Variants in MYO5C observed in about 807,000 individuals in gnomAD.
The protein encoded by MYO5C is myosin VC, also known as unconventional myosin-Vc.
A neutral mutation model predicts 235.7 loss-of-function variants in MYO5C; 194 were observed. That is an observed-to-expected ratio of 0.82 (90% CI 0.73 to 0.93). MYO5C has a LOEUF of 0.93. MYO5C is among the 40% of genes least tolerant of loss of function. The pLI is 0.00. For missense variants in MYO5C, 2,038 were observed against 2,127.2 expected (o/e 0.96, Z 0.82); for synonymous variants, 707 against 754.8 (o/e 0.94, Z 1.04).
intron 1 of MYO5C, 144 bp downstream of exon 1, chr15:52,295,466 C>G (rs1467902142): frequency 1.0e-6 from 1 of 959,566 alleles, no homozygotes; most frequent in Non-Finnish European, 1.4e-6. Context: ...TCCGCGGCGC[C>G]TCCGCGGCCC....
At chr15:52,224,814 A>G (rs1485242335) in intron 28 of MYO5C, 87 bp downstream of exon 28, 7 of 1,039,918 alleles carry the variant, frequency 6.7e-6, no homozygotes, top group Non-Finnish European at 1.0e-5. Context: ...TTTGTGTATC[A>G]ATCTATGTAA....
chr15:52,270,381 C>G (rs2036892615), intron 7 of MYO5C, among the ~76,000 whole-genome samples: 1 of 152,138 alleles, frequency 6.6e-6, no homozygotes, highest in African/African-American at 2.4e-5. Context: ...TGATGGCACA[C>G]AAGAATTTAA....
chr15:52,221,063 A>G (rs2035670681), intron 30 of MYO5C, 99 bp downstream of exon 30: 6 of 871,934 alleles, frequency 6.9e-6, no homozygotes, highest in Middle Eastern at 2.3e-4. Flanking sequence ...CCCCTAGAGA[A>G]CCAGAGTTTA....
intron 10 of MYO5C, among the ~76,000 whole-genome samples, chr15:52,259,405 G>A (rs2036645347): frequency 8.0e-6 from 1 of 124,264 alleles, no homozygotes; most frequent in Non-Finnish European, 1.6e-5. Context: ...GGGCAACAGA[G>A]CAAGACTCCG....
intron 32 of MYO5C, 62 bp downstream of exon 32, chr15:52,218,457 C>T: frequency 3.4e-6 from 5 of 1,489,484 alleles, no homozygotes; most frequent in Non-Finnish European, 4.6e-6. Context: ...GGTGGCATGT[C>T]CCCCCTTTCA....
Position 52,225,387 on chromosome 15 carries a change from T to C in MYO5C, c.3301+52A>G. 2.9e-6 allele frequency: 4 copies of C among 1,392,166 alleles called. No homozygotes were observed. The Admixed American group carries it at 6.7e-5, about 23-fold the overall frequency. 86.2% of individuals were successfully genotyped at this position (1,392,166 alleles called of 1,614,324 possible). ...CACGTTTCCTTAGCAGCGACACAGC[T>C]ATGATAAATTCAGTCTGCACCCATG... On this transcript the variant is annotated intron_variant, in intron 26 of 40. Transcript: ENST00000261839.
At chr15:52,259,550 T>A (rs2036649121) in intron 10 of MYO5C, among the ~76,000 whole-genome samples, 2 of 152,018 alleles carry the variant, frequency 1.3e-5, no homozygotes, top group Admixed American at 6.6e-5. Context: ...TCCACCACAA[T>A]GAAACAGGAC....
chr15:52,256,519 T>C, intron 11 of MYO5C, 120 bp downstream of exon 11: 3 of 688,566 alleles, frequency 4.4e-6, no homozygotes, highest in Non-Finnish European at 7.5e-6. Flanking sequence ...GCTCCTTGCA[T>C]AAAAATTTGC....
intron 13 of MYO5C, among the ~76,000 whole-genome samples, chr15:52,249,658 T>C (rs1306877897): frequency 2.0e-5 from 3 of 152,092 alleles, no homozygotes; most frequent in African/African-American, 7.2e-5. Flanking sequence ...AGTACCTGGA[T>C]TGTTGTACAA....
chr15:52,202,884 C>A (rs1440346620), intron 38 of MYO5C, among the ~76,000 whole-genome samples: 2 of 151,166 alleles, frequency 1.3e-5, no homozygotes, highest in Non-Finnish European at 2.9e-5. Context: ...TTTCTGGGTA[C>A]ATAGTAGGTA....
rs183196324 is a variant in MYO5C, at chr15:52,231,943, C to G, written c.3026+679G>C. ...AATTTCTGTGAGGTCCATTACTTACCTTATCTTTTGGGATAAAAGACAAAC... is the reference window on the plus strand; with the variant it reads ...AATTTCTGTGAGGTCCATTACTTACGTTATCTTTTGGGATAAAAGACAAAC... On this transcript the variant is annotated intron_variant, in intron 24 of 40. Transcript: ENST00000261839. Among the ~76,000 whole-genome samples the G allele has an allele frequency of 1.4e-4, 21 of 152,196 alleles. No homozygotes were observed. In the East Asian group the frequency reaches 3.3e-3, roughly 24 times the overall value.
At chr15:52,266,287 C>G (rs1056584012) in intron 8 of MYO5C, among the ~76,000 whole-genome samples, 2 of 152,180 alleles carry the variant, frequency 1.3e-5, no homozygotes, top group African/African-American at 4.8e-5. Context: ...GGTCAAGTTC[C>G]TAGAGCCTGA....
At chr15:52,250,440 C>T (rs777914850) in intron 13 of MYO5C, among the ~76,000 whole-genome samples, 3 of 152,054 alleles carry the variant, frequency 2.0e-5, no homozygotes, top group South Asian at 2.1e-4. Context: ...GATGGGGTTT[C>T]GCCATGTTGG....
chr15:52,263,847 C>T (rs2036744394), intron 9 of MYO5C, among the ~76,000 whole-genome samples: 1 of 152,184 alleles, frequency 6.6e-6, no homozygotes, highest in Non-Finnish European at 1.5e-5. Flanking sequence ...TCCTCCCTAC[C>T]CTTGATCATA....
chr15:52,287,295 A>T (rs575925722), intron 1 of MYO5C, among the ~76,000 whole-genome samples: 1 of 152,290 alleles, frequency 6.6e-6, no homozygotes, highest in South Asian at 2.1e-4. Context: ...CCTCATAAAG[A>T]AACACACAGA....
intron 32 of MYO5C, 126 bp downstream of exon 32, chr15:52,218,393 C>G (rs1279390008): frequency 3.1e-6 from 3 of 983,062 alleles, no homozygotes; most frequent in Non-Finnish European, 4.4e-6. Flanking sequence ...GATAAGAAAA[C>G]AGACTGCTCT....
rs957777511 is a variant in MYO5C, at chr15:52,193,496, A to C, written c.*406T>G. 1.3e-5 allele frequency: 2 copies of C among 157,988 alleles called. No homozygotes were observed. Among genetic ancestry groups the C allele is most frequent in the Non-Finnish European group, 2.8e-5 (2 of 72,276 alleles). The allele number at this position is 157,988 out of a possible 1,614,324, so 9.8% of individuals were successfully genotyped here. On this transcript the variant is annotated 3_prime_UTR_variant, in exon 41 of 41. Coordinates refer to ENST00000261839, the MANE Select transcript of MYO5C (RefSeq NM_018728.4). The stretch of plus-strand genomic sequence containing the variant: ...CCTGGAAGACTCAGCACTAGAATCC[A>C]CTTGCAGCTTTGTAAATGTACTCAG...
intron 1 of MYO5C, among the ~76,000 whole-genome samples, chr15:52,285,193 C>A (rs970870372): frequency 6.6e-6 from 1 of 152,124 alleles, no homozygotes; most frequent in Non-Finnish European, 1.5e-5. Context: ...CATGGTGAAA[C>A]CCTGTCTCTA....
chr15:52,195,961 G>GTTTT, intron 39 of MYO5C, among the ~76,000 whole-genome samples: 2 of 71,942 alleles, frequency 2.8e-5, no homozygotes, highest in Non-Finnish European at 4.9e-5. Flanking sequence ...ATCACACCCA[G>GTTTT]CTTTTTTTTT....
Sources: allele counts gnomAD v4.1 joint callset (sites outside exome capture counted in the v4.1 genomes callset), GRCh38; gene constraint gnomAD v4.1.1; transcripts MANE v1.5; gene names NCBI Gene and HGNC (gene_info 2026-07-23, HGNC 2026-07-21).